RAB27B: variants seen among roughly 807,000 people sequenced by gnomAD.
RAB27B encodes ras-related protein Rab-27B.
Under a neutral mutation model 24.6 loss-of-function variants are expected in RAB27B, and 15 were observed. The ratio of observed to expected loss-of-function variants is 0.61; its 90% CI spans 0.41 to 0.94. The LOEUF is 0.94. Among genes scored for constraint, RAB27B ranks in the 40% least tolerant of loss-of-function variants. The pLI is 0.00. For missense variants in RAB27B, 261 were observed against 266.8 expected, an observed-to-expected ratio of 0.98 and a Z score of 0.15; for synonymous variants, 105 against 92.5, an observed-to-expected ratio of 1.14 and a Z score of -0.78.
intron 2 of RAB27B, among the ~76,000 whole-genome samples, chr18:54,763,756 C>A (rs1401757781): frequency 6.6e-6 from 1 of 152,136 alleles, no homozygotes. Flanking sequence ...ACTTGTTTCT[C>A]CTCCCCTGGG....
upstream of RAB27B, among the ~76,000 whole-genome samples, chr18:54,825,002 T>G (rs940905558): frequency 2.6e-5 from 4 of 152,202 alleles, no homozygotes; most frequent in Non-Finnish European, 5.9e-5. Context: ...GAACTGTTAC[T>G]TTAAAATGGC....
At position 54,833,020 on chromosome 18, in the gene RAB27B, G is replaced by A. The variant is rs565094200; in HGVS notation, c.-20+4320G>A. On this transcript the variant is annotated intron_variant, in intron 1 of 5. Transcript: ENST00000262094. The stretch of plus-strand genomic sequence containing the variant: ...ATTCAATTTTTTAAAATGACTTGTA[G>A]AACAGATGAATAAAGGAAACATATA... Among the ~76,000 whole-genome samples, 91 of 152,246 alleles carry A rather than the reference G, an allele frequency of 6.0e-4. 1 individual carries two copies. Among genetic ancestry groups the A allele is most frequent in the African/African-American group, 2.1e-3 (87 of 41,550 alleles).
chr18:54,750,309 G>T (rs917608068), intron 2 of RAB27B, among the ~76,000 whole-genome samples: 1 of 152,084 alleles, frequency 6.6e-6, no homozygotes, highest in Non-Finnish European at 1.5e-5. Context: ...AGGAATCTTT[G>T]TTTTTTATTT....
At chr18:54,868,960 T>C (rs1339284059) in intron 1 of RAB27B, among the ~76,000 whole-genome samples, 1 of 152,208 alleles carries the variant, frequency 6.6e-6, no homozygotes, top group Non-Finnish European at 1.5e-5. Context: ...TATCTGAATC[T>C]GAAACAGCAA....
chr18:54,854,364 T>A (rs930442949), intron 1 of RAB27B, among the ~76,000 whole-genome samples: 1 of 152,192 alleles, frequency 6.6e-6, no homozygotes, highest in Non-Finnish European at 1.5e-5. Flanking sequence ...AGTTCTCCAC[T>A]TTCCCATTTA....
chr18:54,846,087 G>A (rs1395263671), intron 1 of RAB27B, among the ~76,000 whole-genome samples: 1 of 152,108 alleles, frequency 6.6e-6, no homozygotes, highest in Non-Finnish European at 1.5e-5. Flanking sequence ...TGGTTTCTCT[G>A]TTTAAAATGT....
intron 1 of RAB27B, among the ~76,000 whole-genome samples, chr18:54,848,304 C>T (rs1020724013): frequency 3.9e-5 from 6 of 152,204 alleles, no homozygotes; most frequent in Non-Finnish European, 5.9e-5. Context: ...ATGTTTATGG[C>T]TGTCTCATAA....
rs1913459396 is a variant in RAB27B at position 54,893,703 on chromosome 18, A to C, written c.*4290A>C. ...TAGAACTGATACAAATTTTGGTTGGATATATAGAGAATTTTATAAATGTAT... is the reference window on the plus strand; with the variant it reads ...TAGAACTGATACAAATTTTGGTTGGCTATATAGAGAATTTTATAAATGTAT... On this transcript the variant is annotated 3_prime_UTR_variant, in exon 6 of 6. Coordinates refer to ENST00000262094, the MANE Select transcript of RAB27B (RefSeq NM_004163.4). The C allele has an allele frequency of 6.6e-6, 1 of 152,006 alleles. No individual in the cohort carries two copies. The highest frequency in any genetic ancestry group is 2.1e-4 in the South Asian group (1 of 4,830). The allele number at this position is 152,006 out of a possible 1,614,324, so 9.4% of individuals were successfully genotyped here. A position where few individuals can be genotyped will look rare whatever the true frequency, so the allele number is the denominator to read the frequency against.
intron 2 of RAB27B, among the ~76,000 whole-genome samples, chr18:54,719,030 A>T (rs1909278674): frequency 7.5e-6 from 1 of 133,916 alleles, no homozygotes; most frequent in Non-Finnish European, 1.7e-5. Context: ...CTAGTGGACA[A>T]TTCATGGTAA....
intron 2 of RAB27B, among the ~76,000 whole-genome samples, chr18:54,723,998 CATAGTG>C (rs1327536233): frequency 2.0e-5 from 3 of 151,896 alleles, no homozygotes; most frequent in Non-Finnish European, 4.4e-5. Context: ...AGAACCATGG[CATAGTG>C]GCCAAAATGT....
intron 2 of RAB27B, among the ~76,000 whole-genome samples, chr18:54,759,091 A>G (rs1908100521): frequency 6.6e-6 from 1 of 152,190 alleles, no homozygotes; most frequent in Non-Finnish European, 1.5e-5. Flanking sequence ...TATTTGGTCA[A>G]TAAGCACATG....
At chr18:54,772,790 A>G (rs1029178889) in intron 2 of RAB27B, among the ~76,000 whole-genome samples, 3 of 152,208 alleles carry the variant, frequency 2.0e-5, no homozygotes, top group African/African-American at 4.8e-5. Context: ...TATGCTTGGT[A>G]TAATCATCAG....
chr18:54,759,802 C>T (rs187391417), intron 2 of RAB27B, among the ~76,000 whole-genome samples: 1 of 152,282 alleles, frequency 6.6e-6, no homozygotes, highest in East Asian at 1.9e-4. Flanking sequence ...AGAGGTACAG[C>T]CTGATGGCTG....
intron 2 of RAB27B, among the ~76,000 whole-genome samples, chr18:54,726,701 T>G (rs753616338): frequency 6.6e-6 from 1 of 151,658 alleles, no homozygotes; most frequent in Non-Finnish European, 1.5e-5. Flanking sequence ...GTAAAACATA[T>G]TATGATTTAT....
Position 54,761,032 on chromosome 18 carries a change from C to T in RAB27B, c.-20+42891C>T, listed in dbSNP as rs142743607. 4.0e-4 allele frequency among the ~76,000 whole-genome samples: 59 copies of T among 148,646 alleles called. No individual in the cohort carries two copies. The East Asian group carries it at 8.1e-3, about 20-fold the overall frequency. On this transcript the variant is annotated intron_variant, in intron 2 of 4. Transcript: ENST00000586570. ...TTTTAACTGAATATCAAGATATTTG[C>T]TTGAGAATCTGATATCACAAATGGG...
At chr18:54,721,352 T>C (rs142914867) in intron 2 of RAB27B, among the ~76,000 whole-genome samples, 4 of 152,292 alleles carry the variant, frequency 2.6e-5, no homozygotes, top group Non-Finnish European at 5.9e-5. Context: ...CCCTTAAATA[T>C]ATTAGTTGAT....
intron 2 of RAB27B, among the ~76,000 whole-genome samples, chr18:54,792,339 T>C (rs1168957835): frequency 6.6e-6 from 1 of 152,156 alleles, no homozygotes; most frequent in South Asian, 2.1e-4. Flanking sequence ...CCTTTCACCA[T>C]GAGCCACGGT....
intron 2 of RAB27B, among the ~76,000 whole-genome samples, chr18:54,797,249 G>GTA (rs1384302730): frequency 6.6e-6 from 1 of 152,228 alleles, no homozygotes; most frequent in Admixed American, 6.5e-5. Flanking sequence ...GCCCATGCCT[G>GTA]TAAGAGTAGC....
intron 1 of RAB27B, among the ~76,000 whole-genome samples, chr18:54,875,844 G>A (rs1373862053): frequency 6.6e-6 from 1 of 152,020 alleles, no homozygotes; most frequent in East Asian, 1.9e-4. Context: ...TTTGATTGGT[G>A]ACTAAAGTAA....
Sources: allele counts gnomAD v4.1 joint callset (sites outside exome capture counted in the v4.1 genomes callset), GRCh38; gene constraint gnomAD v4.1.1; transcripts MANE v1.5; gene names NCBI Gene and HGNC (gene_info 2026-07-23, HGNC 2026-07-21).